Variants in SLC35F1 observed in about 807,000 individuals in gnomAD.
The protein encoded by SLC35F1 is solute carrier family 35 member F1.
SLC35F1 carries 14 observed loss-of-function variants against 48.7 expected under a neutral mutation model. The ratio of observed to expected loss-of-function variants is 0.29; its 90% CI spans 0.19 to 0.45. The LOEUF (loss-of-function observed/expected upper bound fraction) is 0.45, where lower values mean the gene tolerates loss of function less well. Among genes scored for constraint, SLC35F1 ranks in the 20% least tolerant of loss-of-function variants. SLC35F1 has a pLI of 1.00. For missense variants in SLC35F1, 404 were observed against 500.0 expected (o/e 0.81, Z 1.83); for synonymous variants, 190 against 202.2 (o/e 0.94, Z 0.51).
In SLC35F1 at chr6:118,129,839, T is replaced by C. The variant is rs1773684098; in HGVS notation, c.174-24606T>C. Among the ~76,000 whole-genome samples the C allele has an allele frequency of 3.9e-5, 6 of 152,198 alleles. No individual in the cohort carries two copies. In the South Asian group the frequency reaches 1.2e-3, roughly 32 times the overall value. ...TACATTTAAACATAGAATCCTATAC[T>C]GTGCCTTCTGAGACAGAAAATAGTA... On this transcript the variant is annotated intron_variant, in intron 1 of 7. Coordinates refer to ENST00000360388, the MANE Select transcript of SLC35F1 (RefSeq NM_001029858.4).
chr6:117,923,666 T>C lies in SLC35F1; in HGVS notation c.173+15767T>C, dbSNP rs1382836627. On this transcript the variant is annotated intron_variant, in intron 1 of 7. Transcript: ENST00000360388. The stretch of plus-strand genomic sequence containing the variant: ...ATGTACATATGTACATATGTATATA[T>C]ACATATATGTACATATATACATATG... 4.9e-4 allele frequency among the ~76,000 whole-genome samples: 29 copies of C among 58,880 alleles called. 4 individuals are homozygous for C. Among genetic ancestry groups the C allele is most frequent in the African/African-American group, 9.0e-4 (14 of 15,596 alleles). The allele number at this position is 58,880 out of a possible 152,430, so 38.6% of individuals were successfully genotyped here. A position where few individuals can be genotyped will look rare whatever the true frequency, so the allele number is the denominator to read the frequency against.
chr6:118,305,703 G>T (rs1017139144), intron 7 of SLC35F1, among the ~76,000 whole-genome samples: 1 of 152,066 alleles, frequency 6.6e-6, no homozygotes, highest in African/African-American at 2.4e-5. Context: ...GTTATCTTGT[G>T]TTATATAATA....
intron 2 of SLC35F1, among the ~76,000 whole-genome samples, chr6:118,173,167 T>C (rs139879438): frequency 6.6e-6 from 1 of 152,174 alleles, no homozygotes; most frequent in East Asian, 1.9e-4. Context: ...GTTTAGGATA[T>C]AGTAAGCCAC....
At chr6:118,141,554 G>T (rs1015314705) in intron 1 of SLC35F1, among the ~76,000 whole-genome samples, 4 of 152,092 alleles carry the variant, frequency 2.6e-5, no homozygotes, top group African/African-American at 9.7e-5. Context: ...GGATGGTCAG[G>T]TTCCTGTGAG....
intron 1 of SLC35F1, among the ~76,000 whole-genome samples, chr6:117,909,128 A>T (rs1030334810): frequency 6.6e-6 from 1 of 152,190 alleles, no homozygotes; most frequent in Non-Finnish European, 1.5e-5. Context: ...TTATTATCAA[A>T]CAGAAAGAAA....
intron 2 of SLC35F1, among the ~76,000 whole-genome samples, chr6:118,194,064 TCA>T (rs1296890429): frequency 6.6e-6 from 1 of 152,170 alleles, no homozygotes; most frequent in East Asian, 1.9e-4. Context: ...TATATGAACA[TCA>T]CACACACACA....
At chr6:117,920,077 C>T (rs966277325) in intron 1 of SLC35F1, among the ~76,000 whole-genome samples, 4 of 152,344 alleles carry the variant, frequency 2.6e-5, no homozygotes, top group African/African-American at 7.2e-5. Flanking sequence ...CTCTTTGTGA[C>T]GCCGGGTTCC....
At chr6:118,047,019 T>C (rs899902418) in intron 1 of SLC35F1, among the ~76,000 whole-genome samples, 3 of 152,200 alleles carry the variant, frequency 2.0e-5, no homozygotes, top group African/African-American at 7.2e-5. Context: ...TGAAATGTTT[T>C]TCTAAGTGAG....
intron 1 of SLC35F1, among the ~76,000 whole-genome samples, chr6:117,937,695 GA>G (rs940151486): frequency 6.6e-6 from 1 of 152,122 alleles, no homozygotes; most frequent in Admixed American, 6.5e-5. Flanking sequence ...ATTTATGTTG[GA>G]AAAATACTGC....
chr6:117,963,297 C>T lies in SLC35F1; in HGVS notation c.173+55398C>T, dbSNP rs141077641. Among the ~76,000 whole-genome samples the T allele has an allele frequency of 3.1e-3, 466 of 151,154 alleles. 2 individuals are homozygous for T. Among genetic ancestry groups the T allele is most frequent in the African/African-American group, 0.011 (440 of 41,216 alleles). The stretch of plus-strand genomic sequence containing the variant: ...AAGTTCTCAGCACCCTAAGTTTTGG[C>T]GTAAAGTAAATAGTAAATACTTAGT... On this transcript the variant is annotated intron_variant, in intron 1 of 7. Coordinates refer to ENST00000360388, the MANE Select transcript of SLC35F1 (RefSeq NM_001029858.4).
intron 1 of SLC35F1, among the ~76,000 whole-genome samples, chr6:117,975,154 T>C (rs897659127): frequency 1.1e-4 from 17 of 152,236 alleles, no homozygotes; most frequent in African/African-American, 4.1e-4. Context: ...AATGTTTACT[T>C]CCTTCCATTG....
At chr6:118,193,667 T>C (rs796438071) in intron 2 of SLC35F1, among the ~76,000 whole-genome samples, 14 of 152,314 alleles carry the variant, frequency 9.2e-5, no homozygotes, top group African/African-American at 3.1e-4. Context: ...TTTTCAATTT[T>C]GGTGAAAAAC....
intron 4 of SLC35F1, among the ~76,000 whole-genome samples, chr6:118,273,950 T>C (rs1053961364): frequency 1.3e-5 from 2 of 152,206 alleles, no homozygotes; most frequent in Non-Finnish European, 2.9e-5. Context: ...CATTTAGAGA[T>C]AGAATCTTCC....
chr6:118,077,417 AAGAG>A (rs1265323360), intron 1 of SLC35F1, among the ~76,000 whole-genome samples: 1 of 152,240 alleles, frequency 6.6e-6, no homozygotes, highest in Admixed American at 6.5e-5. Flanking sequence ...ACTACTCTAC[AAGAG>A]AGACAGGGAA....
intron 1 of SLC35F1, among the ~76,000 whole-genome samples, chr6:117,946,132 C>T (rs143656308): frequency 6.6e-6 from 1 of 152,244 alleles, no homozygotes; most frequent in East Asian, 1.9e-4. Context: ...CATTTTCCTC[C>T]CTTCTCTTCA....
chr6:118,086,759 A>T (rs1732028807), intron 1 of SLC35F1, among the ~76,000 whole-genome samples: 1 of 152,140 alleles, frequency 6.6e-6, no homozygotes, highest in South Asian at 2.1e-4. Context: ...TTTCTGTCAG[A>T]TGCTTTTCCT....
chr6:118,055,010 C>T (rs1188087879), intron 1 of SLC35F1, among the ~76,000 whole-genome samples: 1 of 152,106 alleles, frequency 6.6e-6, no homozygotes. Flanking sequence ...CTCCTGACCG[C>T]GTGATCCGCC....
intron 3 of SLC35F1, among the ~76,000 whole-genome samples, chr6:118,249,573 T>C (rs2114601497): frequency 6.6e-6 from 1 of 152,312 alleles, no homozygotes; most frequent in East Asian, 1.9e-4. Flanking sequence ...AAAGCCTGCT[T>C]CCATTGGCAA....
chr6:117,994,887 C>T (rs534696677), intron 1 of SLC35F1, among the ~76,000 whole-genome samples: 1 of 152,238 alleles, frequency 6.6e-6, no homozygotes, highest in African/African-American at 2.4e-5. Context: ...AATTTTCAAG[C>T]AAACCAATTA....
Sources: gnomAD v4.1 joint callset for allele counts (sites outside exome capture counted in the v4.1 genomes callset) on GRCh38, gnomAD v4.1.1 for gene constraint, MANE v1.5 for transcripts, NCBI Gene and HGNC (gene_info 2026-07-23, HGNC 2026-07-21) for gene names.